KARS1: variants seen among roughly 807,000 people sequenced by gnomAD.
KARS1 encodes lysyl-tRNA synthetase 1, also known as lysine--tRNA ligase.
A neutral mutation model predicts 63.9 loss-of-function variants in KARS1; 50 were observed. The ratio of observed to expected loss-of-function variants is 0.78; its 90% CI spans 0.62 to 0.99. The LOEUF (loss-of-function observed/expected upper bound fraction) is 0.99, where lower values mean the gene tolerates loss of function less well. Among genes scored for constraint, KARS1 ranks in the 50% least tolerant of loss-of-function variants. The pLI, the probability that KARS1 is intolerant of heterozygous loss-of-function variation, is 0.00. For missense variants in KARS1, 816 were observed against 754.5 expected, an observed-to-expected ratio of 1.08 and a Z score of -0.95; for synonymous variants, 320 against 264.6, an observed-to-expected ratio of 1.21 and a Z score of -2.03.
At chr16:75,647,032 G>A (rs1362986630) in intron 1 of KARS1, among the ~76,000 whole-genome samples, 1 of 152,174 alleles carries the variant, frequency 6.6e-6, no homozygotes, top group Admixed American at 6.5e-5. Context: ...GGTCTCTACT[G>A]TTAGACGTTG....
In KARS1 at chr16:75,644,449, A is replaced by C. The variant is rs376877482; in HGVS notation, c.63-2726T>G. On this transcript the variant is annotated intron_variant, in intron 1 of 13. Coordinates refer to ENST00000302445, the MANE Select transcript of KARS1 (RefSeq NM_005548.3). ...AACATGGCAGAGCACCCTGGAACTA[A>C]TGATTACCACCACCTAGCGGGAAAC... The C allele has an allele frequency of 2.2e-4, 351 of 1,600,550 alleles. 2 individuals are homozygous for C. The highest frequency in any genetic ancestry group is 8.6e-5 in the Non-Finnish European group (101 of 1,171,560).
rs200287788 is a variant in KARS1, at chr16:75,647,650, G to A, written c.-11C>T. On this transcript the variant is annotated 5_prime_UTR_variant, in exon 1 of 14. Coordinates refer to ENST00000302445, the MANE Select transcript of KARS1 (RefSeq NM_005548.3). ...CTGCACGGCCGCCATCTTCCCGGAG[G>A]GCCCGACCCAAAAGTAAGGAGGATA... is the stretch of plus-strand genomic sequence containing the variant. 55 of 1,613,764 alleles carry A rather than the reference G, an allele frequency of 3.4e-5. No homozygotes were observed. The East Asian group carries it at 8.9e-4, about 26-fold the overall frequency.
chr16:75,630,833 C>G (rs1404316537), intron 10 of KARS1, among the ~76,000 whole-genome samples: 2 of 151,906 alleles, frequency 1.3e-5, no homozygotes, highest in African/African-American at 4.8e-5. Context: ...CAGGGTTTCA[C>G]CATGTTGGCC....
In KARS1 at chr16:75,631,870, T is replaced by C; in HGVS notation, c.916-15A>G. On this transcript the variant is annotated splice_polypyrimidine_tract_variant and intron_variant, in intron 7 of 13. Transcript: ENST00000302445. ...ACCACAAGCATCTAACAACAACACA[T>C]GGCCACGGTCATGACAGCTAATCTT... The C allele has an allele frequency of 1.2e-6, 2 of 1,613,372 alleles. No homozygotes were observed. The highest frequency in any genetic ancestry group is 1.7e-6 in the Non-Finnish European group (2 of 1,179,938).
intron 6 of KARS1, 58 bp from the exon 7 acceptor site, chr16:75,634,350 C>A: frequency 6.3e-7 from 1 of 1,580,938 alleles, no homozygotes; most frequent in Non-Finnish European, 8.7e-7. Context: ...TGGGGACAGA[C>A]CATGCTTTGC....
intron 3 of KARS1, among the ~76,000 whole-genome samples, chr16:75,639,050 C>T (rs1391929942): frequency 6.6e-6 from 1 of 151,992 alleles, no homozygotes; most frequent in Non-Finnish European, 1.5e-5. Flanking sequence ...CGCCTGTAAT[C>T]CCAGCTACTG....
chr16:75,636,402 G>T, intron 4 of KARS1, 52 bp downstream of exon 4: 1 of 1,108,976 alleles, frequency 9.0e-7, no homozygotes, highest in Non-Finnish European at 1.4e-6. Context: ...GCCTATTGCT[G>T]TGTTGCTCTA....
chr16:75,630,682 C>G (rs1025136944), intron 10 of KARS1, among the ~76,000 whole-genome samples, 174 bp from the exon 11 acceptor site: 1 of 152,016 alleles, frequency 6.6e-6, no homozygotes, highest in Non-Finnish European at 1.5e-5. Flanking sequence ...GTCGCCCAGG[C>G]TGGAGTGCAG....
chr16:75,647,551 G>C, intron 1 of KARS1, 27 bp downstream of exon 1: 1 of 1,607,922 alleles, frequency 6.2e-7, no homozygotes, highest in East Asian at 2.2e-5. Flanking sequence ...TACCGCAAAG[G>C]CTTTAAAGAC....
intron 1 of KARS1, chr16:75,644,476 C>G: frequency 6.4e-7 from 1 of 1,571,164 alleles, no homozygotes; most frequent in Admixed American, 1.8e-5. Context: ...GCGGGAAACA[C>G]AGAGATGTGG....
At chr16:75,636,607 G>C (rs1597170180) in intron 3 of KARS1, 60 bp from the exon 4 acceptor site, 1 of 1,072,114 alleles carries the variant, frequency 9.3e-7, no homozygotes. Flanking sequence ...TATGGTATCA[G>C]TGTCAAAAAA....
At chr16:75,629,324 A>C in intron 12 of KARS1, 91 bp downstream of exon 12, 1 of 1,533,284 alleles carries the variant, frequency 6.5e-7, no homozygotes, top group Non-Finnish European at 9.0e-7. Context: ...TTCTGAAGTC[A>C]CCAAGAACGT....
chr16:75,635,369 T>C, intron 6 of KARS1: 1 of 348,004 alleles, frequency 2.9e-6, no homozygotes, highest in Non-Finnish European at 5.6e-6. Context: ...TTATGGTACG[T>C]GTGTTTGCCT....
Position 75,630,468 on chromosome 16 carries a change from G to A in KARS1, c.1379C>T (p.Thr460Ile), listed in dbSNP as rs749349318. 4 of 1,612,046 alleles carry A rather than the reference G, an allele frequency of 2.5e-6. No individual in the cohort carries two copies. Among genetic ancestry groups the A allele is most frequent in the African/African-American group, 1.3e-5 (1 of 74,886 alleles). Residue 460 changes from threonine (T) to isoleucine (I), a missense_variant, in exon 11 of 14, where the codon ACA becomes ATA. By Grantham distance (89) the Thr-to-Ile change is moderately conservative. Transcript: ENST00000302445. ...TATCTGTGGGTGATCACAGATGAAT[G>A]TAGGATTGATGCAAGTCACTTCCAG... ...EFLEVTCINP[T>I]FICDHPQIMS...
intron 3 of KARS1, among the ~76,000 whole-genome samples, chr16:75,637,414 C>A (rs574610592): frequency 6.6e-6 from 1 of 152,054 alleles, no homozygotes. Context: ...TCCAGGCTCA[C>A]TGGGGGAGAG....
Position 75,628,602 on chromosome 16 carries a change from G to T in KARS1, c.1662C>A (p.Val554=). Reference sequence around the variant, plus strand: ...TGTTGGAGTCCGTGAGAAACATGGCGACTCGATCAATGCCCATGCCCCAGC... The same window carrying T: ...TGTTGGAGTCCGTGAGAAACATGGCTACTCGATCAATGCCCATGCCCCAGC... ...TAGWGMGIDR[V]AMFLTDSNNI... The change falls in exon 13 of 14, where the codon GTC becomes GTA. Residue 554 remains valine, a synonymous_variant. Transcript: ENST00000302445. The T allele has an allele frequency of 6.2e-7, 1 of 1,614,044 alleles. No individual in the cohort carries two copies. The highest frequency in any genetic ancestry group is 1.3e-5 in the African/African-American group (1 of 75,036).
At position 75,636,023 on chromosome 16, in the gene KARS1, C is replaced by T; in HGVS notation, c.558G>A (p.Gly186=). 6.2e-7 allele frequency: 1 copy of T among 1,611,040 alleles called. No homozygotes were observed. Among genetic ancestry groups the T allele is most frequent in the Non-Finnish European group, 8.5e-7 (1 of 1,177,230 alleles). The part of the protein sequence containing the change: ...LRRGDIIGVQ[G]NPGKTKKGEL... ...CACCCTTCTTGGTTTTACCAGGATTCCCCTGAACTCCAATTATGTCTCCCC... is the reference window on the plus strand; with the variant it reads ...CACCCTTCTTGGTTTTACCAGGATTTCCCTGAACTCCAATTATGTCTCCCC... Residue 186 remains glycine (G), a synonymous_variant, in exon 5 of 14, where the codon GGG becomes GGA. Coordinates refer to ENST00000302445, the MANE Select transcript of KARS1 (RefSeq NM_005548.3).
Position 75,635,769 on chromosome 16 carries a change from G to C in KARS1, c.706C>G (p.Leu236Val). The change falls in exon 6 of 14, where the codon CTG (leucine) becomes GTG (valine). Residue 236 changes from leucine (L) to valine (V), a missense_variant. By Grantham distance (32) the Leu-to-Val change is conservative. Transcript: ENST00000302445. ...AATTTCTGCCTCACAAAGTCATTCA[G>C]GATCAAGTCCAAGTATCTCTGGCGA... ...RYRQRYLDLI[L>V]NDFVRQKFII... 1 of 1,614,158 alleles carries C rather than the reference G, an allele frequency of 6.2e-7. No homozygotes were observed.
At chr16:75,635,586 G>A in intron 6 of KARS1, 94 bp downstream of exon 6, 6 of 1,387,392 alleles carry the variant, frequency 4.3e-6, no homozygotes, top group Non-Finnish European at 6.1e-6. Context: ...GAAGGATCCT[G>A]ACACAGGATA....
Sources: allele counts gnomAD v4.1 joint callset (sites outside exome capture counted in the v4.1 genomes callset), GRCh38; gene constraint gnomAD v4.1.1; transcripts MANE v1.5; gene names NCBI Gene and HGNC (gene_info 2026-07-23, HGNC 2026-07-21).